BTD: variants seen among roughly 807,000 people sequenced by gnomAD.
BTD encodes biocytinase.
BTD carries 13 observed loss-of-function variants against 17.7 expected under a neutral mutation model. The observed-to-expected ratio is 0.74, with a 90% CI of 0.48 to 1.17. The LOEUF is 1.17. Among genes scored for constraint, BTD ranks in the 50% most tolerant of loss-of-function variants. The pLI, the probability that BTD is intolerant of heterozygous loss-of-function variation, is 0.00. For synonymous variants in BTD, 240 were observed against 245.2 expected (o/e 0.98, Z 0.20); for missense variants, 674 against 650.4 (o/e 1.04, Z -0.39).
intron 3 of BTD, among the ~76,000 whole-genome samples, chr3:15,690,932 G>A (rs954869133): frequency 2.0e-5 from 3 of 152,072 alleles, no homozygotes; most frequent in African/African-American, 7.2e-5. Context: ...CTAGCAACTT[G>A]AGTCAGTGCT....
intron 4 of BTD, among the ~76,000 whole-genome samples, chr3:15,720,322 T>G (rs2073574845): frequency 6.6e-6 from 1 of 152,214 alleles, no homozygotes; most frequent in Non-Finnish European, 1.5e-5. Flanking sequence ...AACATCCATA[T>G]ACATACCATC....
chr3:15,713,673 A>C (rs761272811), downstream of BTD: 7 of 1,448,432 alleles, frequency 4.8e-6, no homozygotes, highest in Middle Eastern at 1.8e-4. Flanking sequence ...CAGACACTGG[A>C]CCATATAAAG....
chr3:15,721,700 A>T (rs993555297), intron 4 of BTD, among the ~76,000 whole-genome samples: 2 of 152,220 alleles, frequency 1.3e-5, no homozygotes, highest in African/African-American at 2.4e-5. Flanking sequence ...TCACAAGTAA[A>T]AAGAGTATGC....
chr3:15,631,358 T>C, intron 1 of BTD: 7 of 1,058,388 alleles, frequency 6.6e-6, no homozygotes, highest in Non-Finnish European at 9.3e-6. Flanking sequence ...TAAAGATTTT[T>C]TAATGTATGT....
intron 3 of BTD, chr3:15,670,258 C>T: frequency 2.5e-6 from 4 of 1,608,664 alleles, no homozygotes; most frequent in Non-Finnish European, 3.4e-6. Flanking sequence ...GAACTCCCTC[C>T]TCCTCAGCCT....
intron 1 of BTD, among the ~76,000 whole-genome samples, chr3:15,607,352 A>G (rs2064488219): frequency 6.6e-6 from 1 of 152,192 alleles, no homozygotes; most frequent in Non-Finnish European, 1.5e-5. Flanking sequence ...CAATTACTCT[A>G]TTTGTAGGTT....
intron 1 of BTD, among the ~76,000 whole-genome samples, chr3:15,609,253 G>C (rs115426608): frequency 0.026 from 3,968 of 152,226 alleles, 63 homozygotes; most frequent in Middle Eastern, 0.044. Context: ...CCAGCCCCTG[G>C]CTTAAGAAAT....
Position 15,604,908 on chromosome 3 carries a change from A to G in BTD, c.-17+3014A>G, listed in dbSNP as rs141240875. 6.9e-4 allele frequency among the ~76,000 whole-genome samples: 105 copies of G among 152,348 alleles called. 2 individuals are homozygous for G. In the East Asian group the frequency reaches 0.015, roughly 22 times the overall value. On this transcript the variant is annotated intron_variant, in intron 1 of 3. Transcript: ENST00000643237. ...TCAGCATTTTGGTCAAAGCCATTCAATAAGTCTCTAGGAGGTTCCAAACTT... is the reference window on the plus strand; with the variant it reads ...TCAGCATTTTGGTCAAAGCCATTCAGTAAGTCTCTAGGAGGTTCCAAACTT...
intron 3 of BTD, chr3:15,668,772 CTG>C (rs1246564723): frequency 6.6e-6 from 1 of 152,602 alleles, no homozygotes; most frequent in African/African-American, 2.4e-5. Flanking sequence ...AAATACTGTT[CTG>C]TGTTTTCACA....
intron 2 of BTD, among the ~76,000 whole-genome samples, chr3:15,636,094 A>G (rs2065340585): frequency 1.3e-5 from 2 of 152,118 alleles, no homozygotes; most frequent in East Asian, 1.9e-4. Context: ...GTCCGTTGTA[A>G]TTGGTGTGGA....
chr3:15,669,196 GAAC>G (rs2066142607), intron 3 of BTD: 1 of 152,140 alleles, frequency 6.6e-6, no homozygotes, highest in Non-Finnish European at 1.5e-5. Context: ...CTTAATTTAT[GAAC>G]AACAAGGAAT....
chr3:15,655,136 C>A (rs1012521462), downstream of BTD, among the ~76,000 whole-genome samples: 2 of 152,184 alleles, frequency 1.3e-5, no homozygotes, highest in African/African-American at 4.8e-5. Context: ...ACACGCACAT[C>A]TTCAAAGAAT....
rs762011452 is a variant in BTD, at chr3:15,690,092, A to C, written c.400-19968A>C. The C allele has an allele frequency of 1.2e-6, 2 of 1,612,318 alleles. No homozygotes were observed. Among genetic ancestry groups the C allele is most frequent in the Non-Finnish European group, 1.7e-6 (2 of 1,179,204 alleles). On this transcript the variant is annotated intron_variant, in intron 3 of 3. Coordinates refer to the BTD transcript ENST00000672141. ...TTGAGGCTCCCTGATTAATGAGTAC[A>C]TCCACACATTCAACATGGCCCTTAA...
At chr3:15,659,154 C>G (rs2065898999) in intron 3 of BTD, among the ~76,000 whole-genome samples, 3 of 152,084 alleles carry the variant, frequency 2.0e-5, no homozygotes, top group Admixed American at 2.0e-4. Context: ...CTCTATGGGC[C>G]CAAGAATCCT....
At chr3:15,603,951 G>A (rs1433990590) in intron 1 of BTD, among the ~76,000 whole-genome samples, 2 of 152,242 alleles carry the variant, frequency 1.3e-5, no homozygotes, top group African/African-American at 4.8e-5. Context: ...TGGTTTTACA[G>A]GCTACAACCC....
At position 15,676,428 on chromosome 3, in the gene BTD, C is replaced by T. The variant is rs1049354271; in HGVS notation, c.400-33632C>T. On this transcript the variant is annotated intron_variant, in intron 3 of 3. Coordinates refer to the BTD transcript ENST00000672141. ...CAAGCATCATGACTAATTTTTGGACCTTCAAGGGATCTGACTAATCCCAGA... is the reference window on the plus strand; with the variant it reads ...CAAGCATCATGACTAATTTTTGGACTTTCAAGGGATCTGACTAATCCCAGA... Among the ~76,000 whole-genome samples the T allele has an allele frequency of 2.2e-4, 34 of 152,284 alleles. 5 individuals carry two copies. The highest frequency in any genetic ancestry group is 9.8e-4 in the Admixed American group (15 of 15,288).
At chr3:15,713,486 G>T, downstream of BTD, 2 of 1,493,536 alleles carry the variant, frequency 1.3e-6, no homozygotes, top group Non-Finnish European at 1.8e-6. Context: ...TTCCCTTTGT[G>T]CTTGCCTGTA....
chr3:15,678,478 T>A, intron 3 of BTD: 1 of 819,720 alleles, frequency 1.2e-6, no homozygotes, highest in Non-Finnish European at 1.8e-6. Context: ...AAGCACTGCC[T>A]GTACACAAAC....
intron 3 of BTD, chr3:15,696,220 C>T (rs1323129564): frequency 1.9e-6 from 3 of 1,586,452 alleles, no homozygotes; most frequent in South Asian, 1.1e-5. Context: ...GGATTTGCAT[C>T]GTTTCTTAAT....
Sources: allele counts gnomAD v4.1 joint callset (sites outside exome capture counted in the v4.1 genomes callset), GRCh38; gene constraint gnomAD v4.1.1; transcripts MANE v1.5; gene names NCBI Gene and HGNC (gene_info 2026-07-23, HGNC 2026-07-21).